Variants in QTGAL observed in about 807,000 individuals in gnomAD.
QTGAL encodes the protein queuosine-tRNA galactosyltransferase.
chr17:83,041,614 G>T, the QTGAL span, among the ~76,000 whole-genome samples: 1 of 152,228 alleles, frequency 6.6e-6, no homozygotes, highest in Non-Finnish European at 1.5e-5. Flanking sequence ...AACTGAGGGT[G>T]AGCCTATGTC....
chr17:82,981,142 A>G, the QTGAL span: 14 of 152,314 alleles, frequency 9.2e-5, no homozygotes, highest in East Asian at 2.7e-3. Context: ...AGAGTCAGGG[A>G]TCCTGGATAA....
the QTGAL span, chr17:82,961,404 G>A: frequency 1.8e-6 from 1 of 540,666 alleles, no homozygotes; most frequent in South Asian, 2.2e-5. Flanking sequence ...AAGGGAGGGT[G>A]GGCTGGGTCT....
the QTGAL span, among the ~76,000 whole-genome samples, chr17:83,007,396 T>C: frequency 6.6e-6 from 1 of 152,214 alleles, no homozygotes; most frequent in African/African-American, 2.4e-5. Flanking sequence ...ATCTGTTTCC[T>C]GGTCTTGTCT....
the QTGAL span, among the ~76,000 whole-genome samples, chr17:82,973,306 G>GA: frequency 6.6e-6 from 1 of 151,184 alleles, no homozygotes; most frequent in African/African-American, 2.4e-5. Flanking sequence ...GTGACCATCT[G>GA]TGGGTTTTTC....
the QTGAL span, among the ~76,000 whole-genome samples, chr17:83,049,934 G>A: frequency 1.3e-5 from 2 of 152,234 alleles, no homozygotes; most frequent in East Asian, 1.9e-4. Context: ...GATACGGAGC[G>A]ATACTTAAGA....
the QTGAL span, among the ~76,000 whole-genome samples, chr17:82,952,582 G>C: frequency 3.0e-3 from 454 of 152,268 alleles, 6 homozygotes; most frequent in African/African-American, 0.011. Flanking sequence ...GAGACCTACA[G>C]AGAGACTTAG....
chr17:83,039,633 T>C, the QTGAL span, among the ~76,000 whole-genome samples: 149 of 86,302 alleles, frequency 1.7e-3, no homozygotes, highest in Middle Eastern at 0.024. Context: ...GGGCGCCCGC[T>C]GCCCGCCCCT....
At chr17:82,957,028 T>G in the QTGAL span, among the ~76,000 whole-genome samples, 1 of 152,012 alleles carries the variant, frequency 6.6e-6, no homozygotes, top group Non-Finnish European at 1.5e-5. Flanking sequence ...AGCGGGGTTC[T>G]CCCCCCAAGA....
At chr17:82,961,161 C>G in the QTGAL span, 10 of 1,607,916 alleles carry the variant, frequency 6.2e-6, no homozygotes, top group South Asian at 1.1e-4. Context: ...CGTAGAAGAA[C>G]AGCAGGTCCT....
At chr17:82,951,195 C>G in the QTGAL span, among the ~76,000 whole-genome samples, 1 of 152,232 alleles carries the variant, frequency 6.6e-6, no homozygotes, top group Non-Finnish European at 1.5e-5. Context: ...GAAAGGCCTG[C>G]ATGGTGTCTT....
the QTGAL span, among the ~76,000 whole-genome samples, chr17:82,959,685 C>A: frequency 9.4e-6 from 1 of 106,352 alleles, no homozygotes; most frequent in Non-Finnish European, 2.0e-5. Context: ...GCAGTCAGGG[C>A]TCCAGAAGAA....
At chr17:83,030,757 C>T in the QTGAL span, 2 of 152,338 alleles carry the variant, frequency 1.3e-5, no homozygotes, top group Non-Finnish European at 2.9e-5. Context: ...TCTCCTCTCA[C>T]CTGAGGCCCC....
chr17:83,004,972 G>A, the QTGAL span: 158 of 625,528 alleles, frequency 2.5e-4, 1 homozygote, highest in East Asian at 4.0e-3. Flanking sequence ...CACTCTGTGC[G>A]ATTGATGGCA....
the QTGAL span, among the ~76,000 whole-genome samples, chr17:83,011,671 C>T: frequency 1.1e-4 from 17 of 152,294 alleles, no homozygotes; most frequent in Non-Finnish European, 1.6e-4. Flanking sequence ...TCCACCTAAC[C>T]GCGCCATTGG....
chr17:82,943,143 T>C, the QTGAL span: 1 of 152,750 alleles, frequency 6.5e-6, no homozygotes, highest in Non-Finnish European at 1.5e-5. Flanking sequence ...GTCCAATGTG[T>C]GCCTCTACAG....
the QTGAL span, among the ~76,000 whole-genome samples, chr17:83,019,024 G>A: frequency 6.6e-6 from 1 of 152,210 alleles, no homozygotes. Context: ...AGGCCGAGAG[G>A]TCTGGGTCCC....
At chr17:82,976,536 G>A in the QTGAL span, among the ~76,000 whole-genome samples, 2 of 98,098 alleles carry the variant, frequency 2.0e-5, no homozygotes, top group African/African-American at 5.5e-5. Flanking sequence ...GACAGAGCCC[G>A]ACTCCATCCT....
At chr17:82,964,028 C>CAGGGG in the QTGAL span, among the ~76,000 whole-genome samples, 2 of 139,674 alleles carry the variant, frequency 1.4e-5, no homozygotes, top group African/African-American at 2.6e-5. Context: ...AGGCTGAGGT[C>CAGGGG]GGGGGGGTGG....
chr17:82,962,677 TTTTC>T, the QTGAL span, among the ~76,000 whole-genome samples: 1 of 100,172 alleles, frequency 1.0e-5, no homozygotes, highest in Non-Finnish European at 2.3e-5. Context: ...CACTGAGGTA[TTTTC>T]TTTAATTTTC....
Sources: gnomAD v4.1 joint callset for allele counts (sites outside exome capture counted in the v4.1 genomes callset) on GRCh38, gnomAD v4.1.1 for gene constraint, MANE v1.5 for transcripts, NCBI Gene and HGNC (gene_info 2026-07-23, HGNC 2026-07-21) for gene names.